Variants in CCDC83 observed in about 807,000 individuals in gnomAD.
CCDC83 encodes coiled-coil domain-containing protein 83.
A neutral mutation model predicts 50.1 loss-of-function variants in CCDC83; 54 were observed. The observed-to-expected ratio is 1.08, with a 90% CI of 0.87 to 1.35. The LOEUF is 1.35. Among genes scored for constraint, CCDC83 ranks in the 40% most tolerant of loss-of-function variants. The probability of loss-of-function intolerance (pLI) is 0.00; values close to 1 mark genes in which losing one functional copy is unlikely to be tolerated. For synonymous variants in CCDC83, 161 were observed against 153.3 expected (o/e 1.05, Z -0.37); for missense variants, 518 against 473.9 (o/e 1.09, Z -0.86).
chr11:85,899,603 G>A (rs563207904), intron 7 of CCDC83, among the ~76,000 whole-genome samples: 39 of 152,084 alleles, frequency 2.6e-4, no homozygotes, highest in Non-Finnish European at 5.0e-4. Context: ...GAAATCTTGG[G>A]AGCTCCTTCC....
chr11:85,886,435 G>T (rs2093327434), intron 5 of CCDC83, 68 bp downstream of exon 5: 4 of 1,267,082 alleles, frequency 3.2e-6, no homozygotes, highest in Middle Eastern at 2.0e-4. Context: ...ATTGATGGAA[G>T]AAAAAAGTGC....
chr11:85,899,006 CA>C lies in CCDC83; in HGVS notation c.669del (p.Glu224ArgfsTer12). 1.2e-6 allele frequency: 2 copies of C among 1,604,210 alleles called. No homozygotes were observed. The highest frequency in any genetic ancestry group is 8.5e-7 in the Non-Finnish European group (1 of 1,173,684). ...YLEIWENDWL[K>X]KEVAIHRKEV... ...TAGAGATCTGGGAGAATGACTGGCT[CA>C]AAAAAGAGGTAAGTGGAATTTATCA... On this transcript the variant is annotated frameshift_variant, in exon 7 of 11. Transcript: ENST00000342404. LOFTEE classifies it high-confidence loss of function.
intron 8 of CCDC83, among the ~76,000 whole-genome samples, chr11:85,911,793 GGA>G (rs1370308357): frequency 6.6e-6 from 1 of 152,184 alleles, no homozygotes; most frequent in Admixed American, 6.5e-5. Context: ...GAAGTTTCAT[GGA>G]GGTGATCTGG....
chr11:85,893,913 A>G (rs879379494), intron 5 of CCDC83, among the ~76,000 whole-genome samples: 6 of 152,174 alleles, frequency 3.9e-5, no homozygotes, highest in Non-Finnish European at 8.8e-5. Flanking sequence ...TGTTTGGCAT[A>G]CAGAAAGAGC....
At chr11:85,878,621 C>T (rs2093281580) in intron 3 of CCDC83, among the ~76,000 whole-genome samples, 1 of 152,218 alleles carries the variant, frequency 6.6e-6, no homozygotes, top group South Asian at 2.1e-4. Flanking sequence ...GGACATTTTA[C>T]ATAAAGCTAA....
At chr11:85,905,019 C>T (rs1271824815) in intron 7 of CCDC83, among the ~76,000 whole-genome samples, 1 of 152,200 alleles carries the variant, frequency 6.6e-6, no homozygotes, top group African/African-American at 2.4e-5. Context: ...TAAGGCTGGG[C>T]ATGTTGTTGG....
chr11:85,885,070 C>T lies in CCDC83; in HGVS notation c.344-1130C>T, dbSNP rs1393541728. On this transcript the variant is annotated intron_variant, in intron 4 of 10. Transcript: ENST00000342404. ...TCTCTACTAAAAATACAAAATTAGC[C>T]GGACGTGGTGGTGGGTGCCTGTGAT... Among the ~76,000 whole-genome samples the T allele has an allele frequency of 9.9e-5, 15 of 151,980 alleles. No homozygotes were observed. The South Asian group carries it at 1.0e-3, about 11-fold the overall frequency.
At chr11:85,860,218 C>G (rs1394500838) in intron 1 of CCDC83, among the ~76,000 whole-genome samples, 2 of 149,132 alleles carry the variant, frequency 1.3e-5, no homozygotes, top group African/African-American at 4.9e-5. Flanking sequence ...AGGAGAATCA[C>G]TTGAACCCTG....
rs895670305 is a variant in CCDC83, at chr11:85,899,000, C to T, written c.657C>T (p.Asp219=). The T allele has an allele frequency of 1.2e-6, 2 of 1,608,764 alleles. No individual in the cohort carries two copies. Among genetic ancestry groups the T allele is most frequent in the African/African-American group, 2.7e-5 (2 of 74,648 alleles). Residue 219 remains aspartate, a synonymous_variant, in exon 7 of 11, where the codon GAC becomes GAT. Coordinates refer to ENST00000342404, the MANE Select transcript of CCDC83 (RefSeq NM_001286159.2). The part of the protein sequence containing the change: ...KGSYLEIWEN[D]WLKKEVAIHR... ...GTTATCTAGAGATCTGGGAGAATGA[C>T]TGGCTCAAAAAAGAGGTAAGTGGAA...
intron 10 of CCDC83, among the ~76,000 whole-genome samples, chr11:85,919,045 C>A (rs556777695): frequency 1.3e-5 from 2 of 152,306 alleles, no homozygotes; most frequent in South Asian, 4.1e-4. Context: ...TAGTTTTGCA[C>A]TAACTATAGC....
intron 2 of CCDC83, among the ~76,000 whole-genome samples, chr11:85,866,085 A>T (rs534174630): frequency 6.6e-6 from 1 of 152,266 alleles, no homozygotes; most frequent in African/African-American, 2.4e-5. Context: ...AGACAAAACC[A>T]TGGGTAACAT....
intron 8 of CCDC83, among the ~76,000 whole-genome samples, chr11:85,913,210 A>G (rs188728459): frequency 6.6e-6 from 1 of 152,322 alleles, no homozygotes; most frequent in Admixed American, 6.5e-5. Flanking sequence ...ATTTATAGGA[A>G]CTGATATATG....
chr11:85,860,484 C>CA (rs773174218), intron 1 of CCDC83, among the ~76,000 whole-genome samples: 3 of 152,086 alleles, frequency 2.0e-5, no homozygotes, highest in Admixed American at 2.0e-4. Context: ...ATTAAAAAGA[C>CA]AAAAAACAAC....
chr11:85,870,441 T>C (rs1055758642), intron 2 of CCDC83, among the ~76,000 whole-genome samples: 6 of 152,234 alleles, frequency 3.9e-5, no homozygotes, highest in Admixed American at 1.3e-4. Flanking sequence ...TTTGCATAGG[T>C]TCTTTTCAGA....
At chr11:85,891,472 C>T (rs992663594) in intron 5 of CCDC83, among the ~76,000 whole-genome samples, 3 of 152,080 alleles carry the variant, frequency 2.0e-5, no homozygotes, top group African/African-American at 7.2e-5. Flanking sequence ...GGAAAAGGAA[C>T]CTTAGAATAA....
At chr11:85,855,751 G>A (rs1208566697) in intron 1 of CCDC83, among the ~76,000 whole-genome samples, 167 bp downstream of exon 1, 2 of 152,158 alleles carry the variant, frequency 1.3e-5, no homozygotes, top group Non-Finnish European at 2.9e-5. Flanking sequence ...GGAGGAAACA[G>A]GTCAGAGGTT....
chr11:85,909,863 G>A lies in CCDC83; in HGVS notation c.673-1418G>A, dbSNP rs143495790. 2.7e-3 allele frequency among the ~76,000 whole-genome samples: 412 copies of A among 152,052 alleles called. 4 individuals are homozygous for A. The highest frequency in any genetic ancestry group is 9.5e-3 in the African/African-American group (394 of 41,488). ...CTTCTTTTTTACAGGCCCAATTGATGTACAAAAGTTAGTCAATTTCTTCAG... is the reference window on the plus strand; with the variant it reads ...CTTCTTTTTTACAGGCCCAATTGATATACAAAAGTTAGTCAATTTCTTCAG... On this transcript the variant is annotated intron_variant, in intron 7 of 10. Coordinates refer to ENST00000342404, the MANE Select transcript of CCDC83 (RefSeq NM_001286159.2).
intron 5 of CCDC83, among the ~76,000 whole-genome samples, chr11:85,889,849 T>C (rs1334868034): frequency 6.6e-6 from 1 of 152,198 alleles, no homozygotes; most frequent in Non-Finnish European, 1.5e-5. Context: ...TAAAACTTTT[T>C]AAAGTCTCAG....
chr11:85,858,704 A>C (rs2093157020), intron 1 of CCDC83, among the ~76,000 whole-genome samples: 1 of 152,140 alleles, frequency 6.6e-6, no homozygotes, highest in Non-Finnish European at 1.5e-5. Context: ...TGGAGTCACA[A>C]AGCCCATATA....
Sources: allele counts gnomAD v4.1 joint callset (sites outside exome capture counted in the v4.1 genomes callset), GRCh38; gene constraint gnomAD v4.1.1; transcripts MANE v1.5; gene names NCBI Gene and HGNC (gene_info 2026-07-23, HGNC 2026-07-21).